The following CREBBP variants were observed in gnomAD, a reference collection of about 807,000 sequenced individuals.
CREBBP encodes the protein CREB-binding protein.
A neutral mutation model predicts 265.0 loss-of-function variants in CREBBP; 19 were observed. The ratio of observed to expected loss-of-function variants is 0.07; its 90% CI spans 0.05 to 0.11. The LOEUF is 0.11. CREBBP is among the 10% of genes least tolerant of loss of function. The pLI, the probability that CREBBP is intolerant of heterozygous loss-of-function variation, is 1.00. For synonymous variants in CREBBP, 1,457 were observed against 1,223.7 expected (o/e 1.19, Z -3.98); for missense variants, 2,525 against 3,219.0 (o/e 0.78, Z 5.22).
intron 9 of CREBBP, among the ~76,000 whole-genome samples, 171 bp from the exon 10 acceptor site, chr16:3,778,353 T>C (rs900025682): frequency 7.2e-5 from 11 of 152,330 alleles, no homozygotes; most frequent in South Asian, 2.1e-4. Flanking sequence ...CCCAATGACT[T>C]TATAGGACAT....
chr16:3,812,239 C>T (rs2053952655), intron 2 of CREBBP, among the ~76,000 whole-genome samples: 1 of 151,962 alleles, frequency 6.6e-6, no homozygotes, highest in Non-Finnish European at 1.5e-5. Context: ...AGTGCAGTGG[C>T]GTGATCTCGG....
rs892323627 is a variant in CREBBP, at chr16:3,749,747, G to C, written c.3780-64C>G. 162 of 1,070,654 alleles carry C rather than the reference G, an allele frequency of 1.5e-4. 2 individuals are homozygous for C. Among genetic ancestry groups the C allele is most frequent in the Non-Finnish European group, 5.9e-5 (42 of 716,404 alleles). The allele number at this position is 1,070,654 out of a possible 1,614,324, so 66.3% of individuals were successfully genotyped here. On this transcript the variant is annotated intron_variant, in intron 20 of 30. Coordinates refer to ENST00000262367, the MANE Select transcript of CREBBP (RefSeq NM_004380.3). Reference sequence around the variant, plus strand: ...ATTTATCTGTTGAGTATAAACTATAGGGTCTCTGGAATGTTATTTTGTAAC... The same window carrying C: ...ATTTATCTGTTGAGTATAAACTATACGGTCTCTGGAATGTTATTTTGTAAC...
chr16:3,736,374 A>C (rs2052061357), intron 27 of CREBBP, 171 bp from the exon 28 acceptor site: 1 of 764,646 alleles, frequency 1.3e-6, no homozygotes, highest in African/African-American at 1.8e-5. Context: ...ACCCCCCACC[A>C]CAGTGCTGGA....
intron 3 of CREBBP, among the ~76,000 whole-genome samples, chr16:3,794,874 AT>A (rs1194314698): frequency 1.3e-5 from 2 of 152,204 alleles, no homozygotes; most frequent in African/African-American, 4.8e-5. Flanking sequence ...TAGTACTCTG[AT>A]ATTTCCAGCT....
intron 2 of CREBBP, among the ~76,000 whole-genome samples, chr16:3,829,049 A>G (rs1254364010): frequency 6.6e-6 from 1 of 150,786 alleles, no homozygotes; most frequent in East Asian, 1.9e-4. Context: ...CATAATTTTG[A>G]AAAATGCAAA....
rs542065376 is a variant in CREBBP at position 3,828,660 on chromosome 16, T to C, written c.799-17881A>G. The stretch of plus-strand genomic sequence containing the variant: ...TAAGGTCTTATGTATTTCACCATCA[T>C]AGTTTGAATACAGCTGTATTACAGA... On this transcript the variant is annotated intron_variant, in intron 2 of 30. Coordinates refer to ENST00000262367, the MANE Select transcript of CREBBP (RefSeq NM_004380.3). Among the ~76,000 whole-genome samples, 6 of 152,332 alleles carry C rather than the reference T, an allele frequency of 3.9e-5. No homozygotes were observed. The East Asian group carries it at 5.8e-4, about 15-fold the overall frequency.
intron 1 of CREBBP, among the ~76,000 whole-genome samples, chr16:3,854,050 T>C (rs1015996941): frequency 3.3e-5 from 5 of 152,152 alleles, no homozygotes; most frequent in African/African-American, 1.2e-4. Context: ...GCTCACCCAA[T>C]ACCCCTGGCC....
chr16:3,809,595 G>A (rs937207967), intron 3 of CREBBP, among the ~76,000 whole-genome samples: 2 of 152,088 alleles, frequency 1.3e-5, no homozygotes, highest in Non-Finnish European at 2.9e-5. Flanking sequence ...GGCTCTCTCT[G>A]CTTCCCAGCA....
Position 3,850,610 on chromosome 16 carries a change from G to A in CREBBP, c.485C>T (p.Ala162Val), listed in dbSNP as rs757321118. ...NPQAQKQVGL[A>V]TSSPATSQTG... ...CTGTGACGTGGCAGGGCTGCTAGTC[G>A]CCAGCCCCACTTGCTTTTGTGCTTG... is the stretch of plus-strand genomic sequence containing the variant. The change falls in exon 2 of 31, where the codon GCG becomes GTG. Residue 162 changes from alanine to valine, a missense_variant. This residue lies in a region of CREBBP where 356 missense variants were observed against 340.4 expected (regional missense o/e 1.05). Coordinates refer to ENST00000262367, the MANE Select transcript of CREBBP (RefSeq NM_004380.3). 8 of 1,614,200 alleles carry A rather than the reference G, an allele frequency of 5.0e-6. No individual in the cohort carries two copies. Among genetic ancestry groups the A allele is most frequent in the African/African-American group, 1.3e-5 (1 of 75,060 alleles).
chr16:3,841,279 T>G (rs1258059665), intron 2 of CREBBP, among the ~76,000 whole-genome samples: 2 of 152,002 alleles, frequency 1.3e-5, no homozygotes, highest in Non-Finnish European at 2.9e-5. Context: ...CCCATGTGTT[T>G]TAGAAGCCCA....
rs562346346 is a variant in CREBBP at position 3,828,686 on chromosome 16, C to T, written c.799-17907G>A. On this transcript the variant is annotated intron_variant, in intron 2 of 30. Transcript: ENST00000262367. ...AGTTTGAATACAGCTGTATTACAGA[C>T]AAAATGATGCAGTCGAAAAAAATAC... Among the ~76,000 whole-genome samples, 47 of 152,226 alleles carry T rather than the reference C, an allele frequency of 3.1e-4. 1 individual carries two copies. In the South Asian group the frequency reaches 9.3e-3, roughly 30 times the overall value.
At chr16:3,761,994 A>C (rs1382822594) in intron 16 of CREBBP, among the ~76,000 whole-genome samples, 1 of 152,222 alleles carries the variant, frequency 6.6e-6, no homozygotes, top group Non-Finnish European at 1.5e-5. Context: ...CACATTGTTT[A>C]ATGTTTGGCA....
At chr16:3,857,792 A>G (rs1242151172) in intron 1 of CREBBP, among the ~76,000 whole-genome samples, 2 of 152,206 alleles carry the variant, frequency 1.3e-5, no homozygotes, top group Non-Finnish European at 2.9e-5. Flanking sequence ...TAGGGAAAGG[A>G]ATTTTCCCTT....
At chr16:3,845,061 A>C (rs1205261615) in intron 2 of CREBBP, among the ~76,000 whole-genome samples, 1 of 152,188 alleles carries the variant, frequency 6.6e-6, no homozygotes, top group Non-Finnish European at 1.5e-5. Flanking sequence ...CAAAATCCCA[A>C]AGATTTTTTG....
In CREBBP at chr16:3,751,809, G is replaced by A. The variant is rs1389480244; in HGVS notation, c.3699-3C>T. The A allele has an allele frequency of 6.2e-7, 1 of 1,614,076 alleles. No homozygotes were observed. Among genetic ancestry groups the A allele is most frequent in the Non-Finnish European group, 8.5e-7 (1 of 1,180,000 alleles). On this transcript the variant is annotated splice_polypyrimidine_tract_variant and splice_region_variant and intron_variant, in intron 19 of 30. Transcript: ENST00000262367. ...AACACTTCTCACAGAAATGATACCT[G>A]TCAGCAAGAAGGCCATACTTGGGTG...
At chr16:3,745,403 C>T (rs1430921898) in intron 21 of CREBBP, 49 bp from the exon 22 acceptor site, 1 of 1,560,296 alleles carries the variant, frequency 6.4e-7, no homozygotes, top group Non-Finnish European at 8.8e-7. Context: ...ACCACAAGAC[C>T]AGAGTCACTT....
intron 2 of CREBBP, among the ~76,000 whole-genome samples, chr16:3,849,378 C>CAT (rs2054736215): frequency 9.6e-6 from 1 of 103,906 alleles, no homozygotes; most frequent in Non-Finnish European, 1.8e-5. Flanking sequence ...AGCTCTTGGC[C>CAT]GTGTGTGTGT....
chr16:3,746,648 C>G (rs988871928), intron 21 of CREBBP, among the ~76,000 whole-genome samples: 1 of 152,134 alleles, frequency 6.6e-6, no homozygotes, highest in Non-Finnish European at 1.5e-5. Flanking sequence ...AAGGAGTGTC[C>G]CCCAAAACTA....
intron 17 of CREBBP, among the ~76,000 whole-genome samples, chr16:3,758,560 C>T (rs1372995614): frequency 2.0e-5 from 3 of 152,156 alleles, no homozygotes; most frequent in African/African-American, 7.2e-5. Flanking sequence ...TTCATGTTCA[C>T]AAATTCTTTC....
Sources: gnomAD v4.1 joint callset for allele counts (sites outside exome capture counted in the v4.1 genomes callset) on GRCh38, gnomAD v4.1.1 for gene constraint, gnomAD v4.1.1 regional missense constraint, MANE v1.5 for transcripts, NCBI Gene and HGNC (gene_info 2026-07-23, HGNC 2026-07-21) for gene names.